Variants in MCC observed in about 807,000 individuals in gnomAD.
MCC encodes colorectal mutant cancer protein.
Under a neutral mutation model 116.2 loss-of-function variants are expected in MCC, and 90 were observed. That is an observed-to-expected ratio of 0.77 (90% CI 0.65 to 0.92). The LOEUF is 0.92. Among genes scored for constraint, MCC ranks in the 40% least tolerant of loss-of-function variants. The pLI, the probability that MCC is intolerant of heterozygous loss-of-function variation, is 0.00. For missense variants in MCC, 1,516 were observed against 1,312.2 expected (o/e 1.16, Z -2.40); for synonymous variants, 578 against 510.5 (o/e 1.13, Z -1.78).
At chr5:113,122,887 T>C in intron 5 of MCC, 61 bp from the exon 6 acceptor site, 1 of 1,540,100 alleles carries the variant, frequency 6.5e-7, no homozygotes, top group Non-Finnish European at 9.0e-7. Context: ...CCCTAGAGAA[T>C]ATGTCTTTTA....
chr5:113,241,266 CAAATA>C (rs1764353573), intron 3 of MCC, among the ~76,000 whole-genome samples: 1 of 151,916 alleles, frequency 6.6e-6, no homozygotes, highest in African/African-American at 2.4e-5. Flanking sequence ...AAAATGATAG[CAAATA>C]AAATAAAAAT....
intron 3 of MCC, among the ~76,000 whole-genome samples, chr5:113,170,104 A>C (rs1760995472): frequency 6.6e-6 from 1 of 152,230 alleles, no homozygotes; most frequent in Admixed American, 6.5e-5. Flanking sequence ...TAAGATGCAC[A>C]AATGAGTATT....
intron 5 of MCC, among the ~76,000 whole-genome samples, chr5:113,126,246 T>C (rs1758043218): frequency 1.3e-5 from 2 of 152,222 alleles, no homozygotes; most frequent in Non-Finnish European, 2.9e-5. Flanking sequence ...ATTGTACACT[T>C]GCCTATGTAA....
intron 5 of MCC, among the ~76,000 whole-genome samples, chr5:113,138,866 G>C (rs1759007010): frequency 6.6e-6 from 1 of 152,114 alleles, no homozygotes; most frequent in Non-Finnish European, 1.5e-5. Flanking sequence ...CTCACTTGTG[G>C]CATGATTGAT....
At chr5:113,056,343 A>T (rs1752831267) in intron 14 of MCC, among the ~76,000 whole-genome samples, 1 of 152,232 alleles carries the variant, frequency 6.6e-6, no homozygotes, top group Non-Finnish European at 1.5e-5. Context: ...TCAGTGGTAG[A>T]CTAGATAGAG....
At chr5:113,444,557 C>G (rs903112084) in intron 1 of MCC, among the ~76,000 whole-genome samples, 1 of 152,270 alleles carries the variant, frequency 6.6e-6, no homozygotes, top group Middle Eastern at 3.4e-3. Context: ...AACTATATAG[C>G]CTTGAGAACA....
intron 1 of MCC, among the ~76,000 whole-genome samples, chr5:113,473,693 C>A (rs1205880461): frequency 6.6e-6 from 1 of 152,150 alleles, no homozygotes; most frequent in African/African-American, 2.4e-5. Flanking sequence ...ACCAAGAATT[C>A]AATGCTTTTG....
chr5:113,437,965 C>A (rs576483584), intron 1 of MCC, among the ~76,000 whole-genome samples: 4 of 152,090 alleles, frequency 2.6e-5, no homozygotes, highest in Non-Finnish European at 4.4e-5. Flanking sequence ...GGATACCATC[C>A]CATAGGTTGG....
At chr5:113,096,161 C>G (rs1756001848) in intron 8 of MCC, among the ~76,000 whole-genome samples, 1 of 152,210 alleles carries the variant, frequency 6.6e-6, no homozygotes, top group Non-Finnish European at 1.5e-5. Flanking sequence ...CCAGGAGGAG[C>G]AGGCTGGGCA....
chr5:113,458,062 C>G (rs546794652), intron 1 of MCC, among the ~76,000 whole-genome samples: 2 of 152,142 alleles, frequency 1.3e-5, no homozygotes, highest in South Asian at 2.1e-4. Context: ...ACAGACCACT[C>G]GGCTCTACCA....
intron 1 of MCC, 29 bp from the exon 2 acceptor site, chr5:113,385,241 G>A: frequency 7.5e-6 from 12 of 1,597,830 alleles, no homozygotes; most frequent in Non-Finnish European, 9.4e-6. Context: ...AGAAGAAAAT[G>A]TGTTATGAGT....
At chr5:113,467,713 T>C (rs1043053991) in intron 1 of MCC, among the ~76,000 whole-genome samples, 10 of 152,182 alleles carry the variant, frequency 6.6e-5, no homozygotes, top group African/African-American at 2.2e-4. Context: ...TTTTCCAATT[T>C]TGTGAAGAAA....
rs533459323 is a variant in MCC, at chr5:113,227,441, T to C, written c.628-76019A>G. Reference sequence around the variant, plus strand: ...CATATTTCATTCCTGAAGTAGACCATAATTTATAGTAACTCGAATTATTTA... The same window carrying C: ...CATATTTCATTCCTGAAGTAGACCACAATTTATAGTAACTCGAATTATTTA... On this transcript the variant is annotated intron_variant, in intron 3 of 18. Coordinates refer to ENST00000408903, the MANE Select transcript of MCC (RefSeq NM_001085377.2). 4.6e-5 allele frequency among the ~76,000 whole-genome samples: 7 copies of C among 152,320 alleles called. 1 individual carries two copies. Among genetic ancestry groups the C allele is most frequent in the Admixed American group, 3.3e-4 (5 of 15,300 alleles).
intron 3 of MCC, among the ~76,000 whole-genome samples, chr5:113,171,658 GAAAGTGGAAACCTCTTTA>G (rs1389679995): frequency 6.6e-6 from 1 of 152,104 alleles, no homozygotes; most frequent in African/African-American, 2.4e-5. Context: ...CCTGGCCCTG[GAAAGTGGAAACCTCTTTA>G]ACCCAGAACA....
intron 3 of MCC, among the ~76,000 whole-genome samples, chr5:113,199,839 C>T (rs1300412670): frequency 1.3e-5 from 2 of 152,194 alleles, no homozygotes; most frequent in African/African-American, 4.8e-5. Flanking sequence ...TGAGTGACAC[C>T]ACTCCAAACA....
intron 2 of MCC, among the ~76,000 whole-genome samples, chr5:113,368,025 AG>A (rs771452855): frequency 6.6e-6 from 1 of 152,198 alleles, no homozygotes; most frequent in Non-Finnish European, 1.5e-5. Context: ...AGTAGGGGTA[AG>A]CTGAAGCCAA....
At chr5:113,155,875 A>T (rs923209123) in intron 3 of MCC, among the ~76,000 whole-genome samples, 2 of 152,148 alleles carry the variant, frequency 1.3e-5, no homozygotes, top group Non-Finnish European at 2.9e-5. Flanking sequence ...TCCAGTTCCC[A>T]TCCTTCAGTG....
At chr5:113,044,775 T>C (rs539239057) in intron 16 of MCC, among the ~76,000 whole-genome samples, 180 of 152,296 alleles carry the variant, frequency 1.2e-3, no homozygotes, top group Non-Finnish European at 7.9e-4. Context: ...GGTTTCTCCA[T>C]GTTGGTCAGG....
intron 1 of MCC, among the ~76,000 whole-genome samples, chr5:113,403,135 T>C (rs1043515017): frequency 1.3e-5 from 2 of 152,122 alleles, no homozygotes; most frequent in African/African-American, 4.8e-5. Context: ...CTGTTCTAGA[T>C]GTCATGAATA....
Sources: allele counts gnomAD v4.1 joint callset (sites outside exome capture counted in the v4.1 genomes callset), GRCh38; gene constraint gnomAD v4.1.1; transcripts MANE v1.5; gene names NCBI Gene and HGNC (gene_info 2026-07-23, HGNC 2026-07-21).